The following FER1L6 variants were observed in gnomAD, a reference collection of about 807,000 sequenced individuals.
FER1L6 encodes fer-1-like protein 6.
In FER1L6, 177 loss-of-function variants were observed where a neutral mutation model predicts 219.2. That is an observed-to-expected ratio of 0.81 (90% CI 0.71 to 0.91). The LOEUF (loss-of-function observed/expected upper bound fraction) is 0.91, where lower values mean the gene tolerates loss of function less well. Ranked by LOEUF, FER1L6 falls within the 40% of genes least tolerant of loss-of-function variation. FER1L6 has a pLI of 0.00. For missense variants in FER1L6, 2,153 were observed against 2,259.9 expected, an observed-to-expected ratio of 0.95 and a Z score of 0.96; for synonymous variants, 768 against 824.3, an observed-to-expected ratio of 0.93 and a Z score of 1.17.
intron 33 of FER1L6, among the ~76,000 whole-genome samples, 190 bp from the exon 34 acceptor site, chr8:124,091,233 G>A (rs1822014705): frequency 6.6e-6 from 1 of 152,202 alleles, no homozygotes; most frequent in Non-Finnish European, 1.5e-5. Flanking sequence ...ACCTTCAAAG[G>A]ATTTTTCTGT....
chr8:124,060,854 T>A, intron 24 of FER1L6, 145 bp downstream of exon 24: 1 of 944,850 alleles, frequency 1.1e-6, no homozygotes, highest in Non-Finnish European at 1.5e-6. Flanking sequence ...AATAGACTTT[T>A]GTTGTTGTTG....
At chr8:123,937,547 C>G (rs144602310) in intron 1 of FER1L6, among the ~76,000 whole-genome samples, 1 of 152,008 alleles carries the variant, frequency 6.6e-6, no homozygotes, top group Non-Finnish European at 1.5e-5. Flanking sequence ...TTGATACTCA[C>G]GTTGGAAAGA....
chr8:124,085,941 G>C lies in FER1L6; in HGVS notation c.4391+3483G>C, dbSNP rs117643607. ...AACTGTTATATCCTGTTGCTGAATT[G>C]ACCCCTTTATCATTATATAATGACC... is the stretch of plus-strand genomic sequence containing the variant. On this transcript the variant is annotated intron_variant, in intron 33 of 40. Transcript: ENST00000522917. Among the ~76,000 whole-genome samples the C allele has an allele frequency of 2.6e-4, 39 of 152,200 alleles. No homozygotes were observed. In the East Asian group the frequency reaches 7.3e-3, roughly 29 times the overall value.
chr8:124,028,433 A>C (rs967235961), intron 18 of FER1L6, among the ~76,000 whole-genome samples: 7 of 149,728 alleles, frequency 4.7e-5, no homozygotes, highest in Non-Finnish European at 1.0e-4. Context: ...TCTTCACTGA[A>C]TGAGCAAGAT....
chr8:124,029,669 T>G (rs1220278826), intron 18 of FER1L6, among the ~76,000 whole-genome samples: 12 of 152,226 alleles, frequency 7.9e-5, no homozygotes, highest in Admixed American at 7.9e-4. Context: ...TATTAGACCT[T>G]TGTCAGATGG....
intron 13 of FER1L6, among the ~76,000 whole-genome samples, chr8:124,009,209 C>A (rs1817801182): frequency 6.6e-6 from 1 of 152,196 alleles, no homozygotes; most frequent in African/African-American, 2.4e-5. Flanking sequence ...TCATTTAAAA[C>A]CATCCTCCTT....
intron 39 of FER1L6, among the ~76,000 whole-genome samples, chr8:124,112,105 C>G (rs970202029): frequency 6.6e-6 from 1 of 152,164 alleles, no homozygotes; most frequent in Non-Finnish European, 1.5e-5. Flanking sequence ...TGTATAAAAT[C>G]ACTAGGTTAG....
chr8:123,969,906 T>C (rs188541862), intron 5 of FER1L6, 129 bp from the exon 6 acceptor site: 5 of 548,940 alleles, frequency 9.1e-6, no homozygotes, highest in East Asian at 3.5e-5. Context: ...CAATTGACAA[T>C]CAATTGATGA....
chr8:124,072,738 T>C (rs1821126761), intron 31 of FER1L6, among the ~76,000 whole-genome samples: 1 of 152,086 alleles, frequency 6.6e-6, no homozygotes, highest in African/African-American at 2.4e-5. Context: ...CACAGTGTAG[T>C]TGGAAAGATG....
intron 38 of FER1L6, among the ~76,000 whole-genome samples, chr8:124,102,836 C>A (rs1822601552): frequency 6.6e-6 from 1 of 152,158 alleles, no homozygotes; most frequent in Non-Finnish European, 1.5e-5. Flanking sequence ...GCTTAGGGAG[C>A]AGAGGAGGTG....
chr8:123,919,515 A>C (rs1427887476), intron 1 of FER1L6, among the ~76,000 whole-genome samples: 1 of 152,218 alleles, frequency 6.6e-6, no homozygotes, highest in Non-Finnish European at 1.5e-5. Flanking sequence ...CTGCCACAGC[A>C]CAGCACTGCA....
In FER1L6 at chr8:124,103,240, C is replaced by A. The variant is rs1822620726; in HGVS notation, c.5220C>A (p.Thr1740=). The change falls in exon 39 of 41, where the codon ACC becomes ACA. Residue 1740 remains threonine (T), a synonymous_variant. Coordinates refer to ENST00000522917, the MANE Select transcript of FER1L6 (RefSeq NM_001039112.2). ...AGTTTGAAAATGCAAGTGAGGAGAC[C>A]AAGATCTCTATATTCCAGCAAAAAC... ...LAKFENASEE[T]KISIFQQKRV... 5 of 1,613,916 alleles carry A rather than the reference C, an allele frequency of 3.1e-6. No individual in the cohort carries two copies. The highest frequency in any genetic ancestry group is 4.2e-6 in the Non-Finnish European group (5 of 1,179,996).
At chr8:124,014,910 G>T (rs77890906) in intron 15 of FER1L6, among the ~76,000 whole-genome samples, 6 of 152,134 alleles carry the variant, frequency 3.9e-5, no homozygotes, top group Non-Finnish European at 8.8e-5. Context: ...CTCCCTGGCT[G>T]CAGTCATATC....
intron 1 of FER1L6, among the ~76,000 whole-genome samples, chr8:123,855,776 A>ATG (rs1434309750): frequency 0.023 from 3,331 of 146,538 alleles, 119 homozygotes; most frequent in African/African-American, 0.079. Context: ...GTGTATATAT[A>ATG]TGTGTGTGTG....
intron 5 of FER1L6, 147 bp from the exon 6 acceptor site, chr8:123,969,888 A>T: frequency 1.4e-5 from 8 of 564,980 alleles, no homozygotes; most frequent in East Asian, 6.3e-5. Context: ...AAAAAAAAAG[A>T]GAATTGACAA....
At chr8:124,004,989 C>A (rs1817593635) in intron 13 of FER1L6, among the ~76,000 whole-genome samples, 1 of 149,100 alleles carries the variant, frequency 6.7e-6, no homozygotes, top group African/African-American at 2.5e-5. Context: ...CAGTGGAAGA[C>A]TCTGTCTCAA....
chr8:124,066,582 G>T lies in FER1L6; in HGVS notation c.3678+32G>T, dbSNP rs200678266. ...TCTCCCCTACCTGTGGCAGTTAAGAGATTCAATAAGGAAACACAGCACCTT... is the reference window on the plus strand; with the variant it reads ...TCTCCCCTACCTGTGGCAGTTAAGATATTCAATAAGGAAACACAGCACCTT... On this transcript the variant is annotated intron_variant, in intron 27 of 40. Transcript: ENST00000522917. 10 of 1,607,246 alleles carry T rather than the reference G, an allele frequency of 6.2e-6. No homozygotes were observed. The African/African-American group carries it at 1.1e-4, about 17-fold the overall frequency.
intron 32 of FER1L6, among the ~76,000 whole-genome samples, chr8:124,079,740 T>G (rs1821455075): frequency 6.6e-6 from 1 of 152,174 alleles, no homozygotes; most frequent in Admixed American, 6.5e-5. Context: ...GCCTGTATGA[T>G]GAATGCTATA....
chr8:123,934,766 G>A (rs1190554273), intron 1 of FER1L6, among the ~76,000 whole-genome samples: 1 of 152,120 alleles, frequency 6.6e-6, no homozygotes, highest in Non-Finnish European at 1.5e-5. Flanking sequence ...CGTGTTGGGG[G>A]GGAGGGGTCC....
Sources: allele counts gnomAD v4.1 joint callset (sites outside exome capture counted in the v4.1 genomes callset), GRCh38; gene constraint gnomAD v4.1.1; transcripts MANE v1.5; gene names NCBI Gene and HGNC (gene_info 2026-07-23, HGNC 2026-07-21).